CPQ: variants seen among roughly 807,000 people sequenced by gnomAD.
CPQ encodes the protein Ser-Met dipeptidase.
CPQ carries 37 observed loss-of-function variants against 45.7 expected under a neutral mutation model. The ratio of observed to expected loss-of-function variants is 0.81; its 90% CI spans 0.62 to 1.07. CPQ has a LOEUF of 1.07. Among genes scored for constraint, CPQ ranks in the 50% least tolerant of loss-of-function variants. The probability of loss-of-function intolerance (pLI) is 0.00; values close to 1 mark genes in which losing one functional copy is unlikely to be tolerated. For missense variants in CPQ, 537 were observed against 572.9 expected (o/e 0.94, Z 0.64); for synonymous variants, 186 against 205.8 (o/e 0.90, Z 0.82).
intron 1 of CPQ, among the ~76,000 whole-genome samples, chr8:96,704,749 C>A (rs1426166089): frequency 6.6e-6 from 1 of 152,100 alleles, no homozygotes; most frequent in African/African-American, 2.4e-5. Flanking sequence ...AACAGGAAAT[C>A]AATCTGTTGT....
At chr8:96,939,971 AGTGCATG>A (rs1486630964) in intron 4 of CPQ, among the ~76,000 whole-genome samples, 1 of 152,108 alleles carries the variant, frequency 6.6e-6, no homozygotes. Context: ...TTTCCTCCTT[AGTGCATG>A]GTATTTGCAG....
intron 1 of CPQ, among the ~76,000 whole-genome samples, chr8:96,677,113 C>A (rs915136627): frequency 4.6e-5 from 7 of 152,020 alleles, no homozygotes; most frequent in African/African-American, 1.7e-4. Flanking sequence ...TTTGCAATTG[C>A]AAATTGTGCT....
intron 2 of CPQ, among the ~76,000 whole-genome samples, chr8:96,794,146 C>T (rs905487589): frequency 2.0e-5 from 3 of 152,182 alleles, no homozygotes; most frequent in Admixed American, 2.0e-4. Context: ...CCTACTTTTC[C>T]CTTCTGCACT....
intron 5 of CPQ, among the ~76,000 whole-genome samples, chr8:96,995,086 G>T (rs1809155931): frequency 1.3e-5 from 2 of 152,006 alleles, no homozygotes; most frequent in African/African-American, 4.8e-5. Flanking sequence ...AAGACCCTTA[G>T]GCTCTTACGT....
At chr8:96,722,586 T>C (rs544969658) in intron 1 of CPQ, among the ~76,000 whole-genome samples, 11 of 152,318 alleles carry the variant, frequency 7.2e-5, no homozygotes. Context: ...ATCCTCAATT[T>C]ATTTAAATGA....
intron 3 of CPQ, among the ~76,000 whole-genome samples, chr8:96,844,422 A>G (rs1293283474): frequency 6.6e-6 from 1 of 152,204 alleles, no homozygotes; most frequent in Admixed American, 6.5e-5. Flanking sequence ...AAAGGTAACA[A>G]TACATAGAGT....
At chr8:96,837,103 C>G (rs1811540750) in intron 3 of CPQ, among the ~76,000 whole-genome samples, 1 of 151,990 alleles carries the variant, frequency 6.6e-6, no homozygotes, top group Admixed American at 6.6e-5. Context: ...ATTATTAGCC[C>G]TATTTTATTG....
chr8:96,791,095 A>G (rs944643145), intron 2 of CPQ, among the ~76,000 whole-genome samples: 1 of 152,148 alleles, frequency 6.6e-6, no homozygotes, highest in Non-Finnish European at 1.5e-5. Flanking sequence ...GTTATCTGAA[A>G]AGGATTAGCA....
chr8:96,859,121 G>A (rs1166301195), intron 3 of CPQ, among the ~76,000 whole-genome samples: 1 of 152,176 alleles, frequency 6.6e-6, no homozygotes, highest in Non-Finnish European at 1.5e-5. Context: ...GGCAGATCAG[G>A]TTGAAAGACT....
chr8:96,714,696 G>A (rs1271246902), intron 1 of CPQ, among the ~76,000 whole-genome samples: 1 of 151,842 alleles, frequency 6.6e-6, no homozygotes, highest in African/African-American at 2.4e-5. Flanking sequence ...TGACCTTTTG[G>A]GGGTTGTTAT....
intron 4 of CPQ, among the ~76,000 whole-genome samples, chr8:96,882,356 G>C (rs1812236641): frequency 6.6e-6 from 1 of 152,216 alleles, no homozygotes; most frequent in Non-Finnish European, 1.5e-5. Context: ...GAAGAGCCAA[G>C]AGTCTATATT....
intron 7 of CPQ, among the ~76,000 whole-genome samples, chr8:97,103,612 C>G (rs776601470): frequency 1.2e-4 from 19 of 152,134 alleles, no homozygotes; most frequent in South Asian, 2.1e-4. Context: ...TACATGATTG[C>G]ATTGGGTGCA....
intron 4 of CPQ, among the ~76,000 whole-genome samples, chr8:96,918,249 T>C (rs1812758023): frequency 6.6e-6 from 1 of 152,188 alleles, no homozygotes; most frequent in African/African-American, 2.4e-5. Flanking sequence ...TAATGTACTT[T>C]ACAGCTTGAG....
intron 1 of CPQ, 30 bp from the exon 2 acceptor site, chr8:96,784,834 C>T: frequency 1.4e-5 from 21 of 1,480,720 alleles, no homozygotes; most frequent in Non-Finnish European, 1.8e-5. Context: ...ATTCTTTTCC[C>T]CTAAAACATA....
At chr8:96,967,599 C>T (rs1813589304) in intron 5 of CPQ, among the ~76,000 whole-genome samples, 1 of 152,208 alleles carries the variant, frequency 6.6e-6, no homozygotes, top group African/African-American at 2.4e-5. Context: ...TCTCAAAGTA[C>T]ATCGACTTCA....
chr8:96,776,930 C>T (rs1485612454), intron 1 of CPQ, among the ~76,000 whole-genome samples: 1 of 152,094 alleles, frequency 6.6e-6, no homozygotes, highest in Non-Finnish European at 1.5e-5. Context: ...TTGATAACTC[C>T]ATACTTTGAA....
intron 4 of CPQ, among the ~76,000 whole-genome samples, chr8:96,936,831 A>C (rs894216405): frequency 1.3e-4 from 20 of 152,296 alleles, no homozygotes; most frequent in South Asian, 6.2e-4. Context: ...TAAGCATATG[A>C]CGTATCTATT....
intron 1 of CPQ, among the ~76,000 whole-genome samples, chr8:96,699,125 T>G (rs185206732): frequency 9.6e-4 from 146 of 152,342 alleles, no homozygotes; most frequent in African/African-American, 3.3e-3. Flanking sequence ...ATGTGGTACA[T>G]GTACACAATG....
rs537256979 is a variant in CPQ at position 96,975,493 on chromosome 8, C to G, written c.961+9447C>G. On this transcript the variant is annotated intron_variant, in intron 5 of 7. Transcript: ENST00000220763. ...ACTCATTCTATGAAGCCAGTATCAC[C>G]CTAATACCAAAACCAAGGGAGGACA... 7.2e-5 allele frequency among the ~76,000 whole-genome samples: 11 copies of G among 151,734 alleles called. No homozygotes were observed. In the East Asian group the frequency reaches 1.9e-3, roughly 27 times the overall value.
Sources: gnomAD v4.1 joint callset for allele counts (sites outside exome capture counted in the v4.1 genomes callset) on GRCh38, gnomAD v4.1.1 for gene constraint, MANE v1.5 for transcripts, NCBI Gene and HGNC (gene_info 2026-07-23, HGNC 2026-07-21) for gene names.